DRC1: variants seen among roughly 807,000 people sequenced by gnomAD.
DRC1 encodes dynein regulatory complex subunit 1.
A neutral mutation model predicts 98.7 loss-of-function variants in DRC1; 74 were observed. The ratio of observed to expected loss-of-function variants is 0.75; its 90% CI spans 0.62 to 0.91. The LOEUF is 0.91. Ranked by LOEUF, DRC1 falls within the 40% of genes least tolerant of loss-of-function variation. The pLI is 0.00. For missense variants in DRC1, 875 were observed against 886.0 expected (o/e 0.99, Z 0.16); for synonymous variants, 336 against 334.1 (o/e 1.01, Z -0.06).
In DRC1 at chr2:26,444,290, A is replaced by G. The variant is rs1663792541; in HGVS notation, c.1097A>G (p.Asn366Ser). ...CAAATAAAGCAGTTTCAGGAGGAGA[A>G]CCAGTCTCTAACCTCGGACTACAAA... ...AKQIKQFQEENQSLTSDYKRL... is the reference protein window; with the variant it reads ...AKQIKQFQEESQSLTSDYKRL... Residue 366 changes from asparagine (N) to serine (S), a missense_variant, in exon 9 of 17, where the codon AAC (asparagine) becomes AGC (serine). By Grantham distance (46) the Asn-to-Ser change is conservative. Transcript: ENST00000288710. The G allele has an allele frequency of 6.2e-7, 1 of 1,614,088 alleles. No homozygotes were observed. The highest frequency in any genetic ancestry group is 1.3e-5 in the African/African-American group (1 of 74,934).
chr2:26,453,298 T>C (rs1379500056), intron 13 of DRC1, 22 bp from the exon 14 acceptor site: 3 of 1,613,714 alleles, frequency 1.9e-6, no homozygotes, highest in Non-Finnish European at 1.7e-6. Flanking sequence ...CAGCCCACAG[T>C]TGTCCGTGCA....
chr2:26,402,363 G>C (rs1678273904), intron 1 of DRC1, among the ~76,000 whole-genome samples: 1 of 152,232 alleles, frequency 6.6e-6, no homozygotes, highest in Non-Finnish European at 1.5e-5. Context: ...GTCAACCTGG[G>C]CAGCATAGAG....
At chr2:26,408,447 G>T (rs1678492202) in intron 1 of DRC1, among the ~76,000 whole-genome samples, 1 of 152,128 alleles carries the variant, frequency 6.6e-6, no homozygotes, top group Non-Finnish European at 1.5e-5. Flanking sequence ...TTTCTCTGTG[G>T]AATCCGACCA....
chr2:26,408,030 C>T (rs1018532459), intron 1 of DRC1, among the ~76,000 whole-genome samples: 12 of 152,172 alleles, frequency 7.9e-5, no homozygotes, highest in Admixed American at 2.6e-4. Flanking sequence ...CCTTCAAAGC[C>T]TGCTTCTCAG....
chr2:26,405,653 C>CTTTTTTTTTTTTTTTTTTTTTTTTTTT (rs10601492), intron 1 of DRC1, among the ~76,000 whole-genome samples: 1 of 53,562 alleles, frequency 1.9e-5, no homozygotes, highest in African/African-American at 6.9e-5. Flanking sequence ...AAGGCTATAT[C>CTTTTTTTTTTTTTTTTTTTTTTTTTTT]TTTTTTTTTT....
intron 7 of DRC1, among the ~76,000 whole-genome samples, chr2:26,439,273 C>T (rs1558448739): frequency 6.6e-6 from 1 of 152,144 alleles, no homozygotes; most frequent in Non-Finnish European, 1.5e-5. Context: ...GACACGCCGT[C>T]TTCCAGGGAT....
intron 12 of DRC1, 21 bp from the exon 13 acceptor site, chr2:26,450,571 C>T (rs914697776): frequency 6.2e-7 from 1 of 1,606,342 alleles, no homozygotes; most frequent in African/African-American, 1.3e-5. Context: ...GTTTGAGCAA[C>T]CATCCTGTTT....
At chr2:26,452,696 C>T (rs1664039462) in intron 13 of DRC1, among the ~76,000 whole-genome samples, 1 of 152,050 alleles carries the variant, frequency 6.6e-6, no homozygotes, top group African/African-American at 2.4e-5. Context: ...CGATGGGGTA[C>T]TATAAAACTG....
chr2:26,405,586 A>G (rs1356900316), intron 1 of DRC1, among the ~76,000 whole-genome samples: 1 of 144,414 alleles, frequency 6.9e-6, no homozygotes, highest in Non-Finnish European at 1.5e-5. Flanking sequence ...GCATTCAATT[A>G]TATTAAGGAA....
Position 26,421,384 on chromosome 2 carries a change from G to A in DRC1, c.340G>A (p.Glu114Lys). ...REIHRRVEEE[E>K]IKRQRIEKLE... is the part of the protein sequence containing the mutation. ...GATTCACAGGAGAGTCGAAGAAGAG[G>A]AGATAAAGCGTCAAAGGTAAGGACT... The change falls in exon 3 of 17, where the codon GAG (glutamate) becomes AAG (lysine). Residue 114 changes from glutamate to lysine, a missense_variant. Transcript: ENST00000288710. The A allele has an allele frequency of 6.2e-7, 1 of 1,613,040 alleles. No homozygotes were observed. The highest frequency in any genetic ancestry group is 8.5e-7 in the Non-Finnish European group (1 of 1,179,366).
intron 3 of DRC1, 122 bp from the exon 4 acceptor site, chr2:26,424,149 T>C (rs1663222794): frequency 8.9e-7 from 1 of 1,122,056 alleles, no homozygotes; most frequent in African/African-American, 1.6e-5. Context: ...TTTGGGCGGG[T>C]GTGTTTGGGC....
At chr2:26,434,358 T>G (rs1663516236) in intron 7 of DRC1, among the ~76,000 whole-genome samples, 1 of 152,188 alleles carries the variant, frequency 6.6e-6, no homozygotes, top group Non-Finnish European at 1.5e-5. Context: ...AAAAGAAAAC[T>G]GCTAGAAACA....
chr2:26,434,307 G>A (rs1663512395), intron 7 of DRC1, among the ~76,000 whole-genome samples: 1 of 152,154 alleles, frequency 6.6e-6, no homozygotes, highest in Non-Finnish European at 1.5e-5. Flanking sequence ...TGTAAACATT[G>A]TGTACTTAGG....
intron 10 of DRC1, among the ~76,000 whole-genome samples, chr2:26,447,594 T>A (rs1350057660): frequency 6.6e-6 from 1 of 151,916 alleles, no homozygotes; most frequent in Non-Finnish European, 1.5e-5. Context: ...TTTGAGACAG[T>A]CTCACTCTGT....
At chr2:26,419,384 C>T (rs954421850) in intron 2 of DRC1, among the ~76,000 whole-genome samples, 3 of 152,080 alleles carry the variant, frequency 2.0e-5, no homozygotes, top group Non-Finnish European at 4.4e-5. Context: ...TCTGGAACTC[C>T]AGTAATTGGT....
chr2:26,402,117 T>G lies in DRC1; in HGVS notation c.128T>G (p.Ile43Ser). The G allele has an allele frequency of 6.2e-7, 1 of 1,611,008 alleles. No individual in the cohort carries two copies. Among genetic ancestry groups the G allele is most frequent in the Non-Finnish European group, 8.5e-7 (1 of 1,179,108 alleles). ...CGCATCCAGGCCCGGCGCCTCCGCA[T>G]CGCTGCGCGCTTAGAAGCCCGGAGG... is the stretch of plus-strand genomic sequence containing the variant. ...QERIQARRLR[I>S]AARLEARRRE... The change falls in exon 1 of 17, where the codon ATC becomes AGC. Residue 43 changes from isoleucine to serine, a missense_variant. Physicochemically the swap from Ile to Ser is moderately radical, Grantham distance 142. Transcript: ENST00000288710.
intron 6 of DRC1, 34 bp from the exon 7 acceptor site, chr2:26,431,850 C>T (rs771142881): frequency 6.2e-6 from 10 of 1,611,678 alleles, no homozygotes; most frequent in Non-Finnish European, 8.5e-6. Context: ...CAAGGATGGT[C>T]CCTAACTTTT....
At chr2:26,429,514 A>G in intron 4 of DRC1, 114 bp from the exon 5 acceptor site, 2 of 1,394,432 alleles carry the variant, frequency 1.4e-6, no homozygotes, top group East Asian at 2.3e-5. Context: ...CCCTCTTTGT[A>G]CAGTTTCATG....
At chr2:26,433,761 A>C (rs1175778061) in intron 7 of DRC1, among the ~76,000 whole-genome samples, 7 of 152,162 alleles carry the variant, frequency 4.6e-5, no homozygotes, top group Non-Finnish European at 1.0e-4. Flanking sequence ...GGAGCCTGGG[A>C]GACCTGGTAC....
Sources: gnomAD v4.1 joint callset for allele counts (sites outside exome capture counted in the v4.1 genomes callset) on GRCh38, gnomAD v4.1.1 for gene constraint, MANE v1.5 for transcripts, NCBI Gene and HGNC (gene_info 2026-07-23, HGNC 2026-07-21) for gene names.